Variants in FAF1 observed in about 807,000 individuals in gnomAD.
The protein encoded by FAF1 is Fas associated factor 1, also known as FAS-associated factor 1.
Under a neutral mutation model 92.5 loss-of-function variants are expected in FAF1, and 25 were observed. The observed-to-expected ratio is 0.27, with a 90% confidence interval of 0.20 to 0.38. FAF1 has a LOEUF of 0.38. Among genes scored for constraint, FAF1 ranks in the 10% least tolerant of loss-of-function variants. The probability of loss-of-function intolerance (pLI) is 1.00; values close to 1 mark genes in which losing one functional copy is unlikely to be tolerated. For missense variants in FAF1, 636 were observed against 793.3 expected, an observed-to-expected ratio of 0.80 and a Z score of 2.38; for synonymous variants, 234 against 273.2, an observed-to-expected ratio of 0.86 and a Z score of 1.42.
chr1:50,902,102 T>C (rs1644801344), intron 1 of FAF1, among the ~76,000 whole-genome samples: 1 of 152,214 alleles, frequency 6.6e-6, no homozygotes, highest in African/African-American at 2.4e-5. Flanking sequence ...ATCCTACTAA[T>C]ATAAGGATTT....
At chr1:50,776,679 C>CA (rs111677187) in intron 4 of FAF1, among the ~76,000 whole-genome samples, 12,181 of 139,940 alleles carry the variant, frequency 0.087, 505 homozygotes, top group Non-Finnish European at 0.095. Flanking sequence ...TTTCTTAAAA[C>CA]AAAAAAAAAA....
At chr1:50,461,097 A>G (rs1471981595) in intron 18 of FAF1, among the ~76,000 whole-genome samples, 1 of 152,160 alleles carries the variant, frequency 6.6e-6, no homozygotes, top group East Asian at 1.9e-4. Context: ...CCACTAATTC[A>G]GTGTTTGTGG....
In FAF1 at chr1:50,578,898, TA is replaced by T. The variant is rs530128150; in HGVS notation, c.1113+3719del. Among the ~76,000 whole-genome samples the T allele has an allele frequency of 4.4e-3, 671 of 152,228 alleles. 4 individuals carry two copies. Among genetic ancestry groups the T allele is most frequent in the African/African-American group, 0.013 (550 of 41,562 alleles). On this transcript the variant is annotated intron_variant, in intron 12 of 18. Transcript: ENST00000396153. The stretch of plus-strand genomic sequence containing the variant: ...TAAACTTTAGTTTATAGAAATGTAA[TA>T]AACTGTACATAAACTGTTGATCTGT...
chr1:50,733,672 G>C (rs1045858782), intron 6 of FAF1, among the ~76,000 whole-genome samples: 17 of 152,186 alleles, frequency 1.1e-4, no homozygotes, highest in African/African-American at 4.1e-4. Flanking sequence ...TGTAAACCAG[G>C]AAGAGAGCTT....
chr1:50,830,644 T>C (rs556150003), intron 2 of FAF1, among the ~76,000 whole-genome samples: 43 of 151,348 alleles, frequency 2.8e-4, no homozygotes, highest in African/African-American at 1.0e-3. Flanking sequence ...TACTGTGGCT[T>C]CCTCCAGTGC....
intron 7 of FAF1, among the ~76,000 whole-genome samples, chr1:50,663,718 G>C (rs1298218742): frequency 3.3e-5 from 5 of 151,630 alleles, no homozygotes; most frequent in African/African-American, 1.2e-4. Context: ...CACCGCTTTA[G>C]AATGTGCAAA....
chr1:50,546,421 G>C (rs61781017), intron 13 of FAF1, among the ~76,000 whole-genome samples: 2 of 152,106 alleles, frequency 1.3e-5, no homozygotes, highest in East Asian at 3.9e-4. Flanking sequence ...GCTGGAGTGC[G>C]GTGGTGCAAT....
At chr1:50,513,322 A>T (rs1333038400) in intron 15 of FAF1, among the ~76,000 whole-genome samples, 1 of 152,222 alleles carries the variant, frequency 6.6e-6, no homozygotes, top group Non-Finnish European at 1.5e-5. Context: ...TCTACCAGAA[A>T]AAAATACAAA....
intron 4 of FAF1, among the ~76,000 whole-genome samples, chr1:50,746,760 C>T (rs1298790207): frequency 6.6e-6 from 1 of 152,160 alleles, no homozygotes; most frequent in Non-Finnish European, 1.5e-5. Flanking sequence ...ATAGCTAAAA[C>T]AATGAAGAAA....
At chr1:50,495,157 T>G (rs1320626921) in intron 15 of FAF1, among the ~76,000 whole-genome samples, 2 of 152,158 alleles carry the variant, frequency 1.3e-5, no homozygotes, top group Admixed American at 6.5e-5. Flanking sequence ...AAATGTACAA[T>G]GATTTTTACT....
intron 1 of FAF1, among the ~76,000 whole-genome samples, chr1:50,920,232 C>T (rs1404793461): frequency 6.7e-6 from 1 of 149,786 alleles, no homozygotes; most frequent in African/African-American, 2.5e-5. Context: ...GCCTGGGGGG[C>T]AGAGGGTTGC....
chr1:50,835,927 A>C (rs1276706258), intron 2 of FAF1, among the ~76,000 whole-genome samples: 1 of 152,128 alleles, frequency 6.6e-6, no homozygotes. Flanking sequence ...ATTTAAAATA[A>C]TCTGTGGGAC....
At chr1:50,713,773 C>CTTTTTT (rs58832551) in intron 6 of FAF1, among the ~76,000 whole-genome samples, 2 of 119,540 alleles carry the variant, frequency 1.7e-5, no homozygotes, top group African/African-American at 3.1e-5. Flanking sequence ...AATGTAAAAG[C>CTTTTTT]TTTTTTTTTT....
At position 50,437,909 on chromosome 1, in the gene FAF1, G is replaced by C. The variant is rs2148969937; in HGVS notation, c.*3531C>G. 1 of 150,612 alleles carries C rather than the reference G, an allele frequency of 6.6e-6. No homozygotes were observed. The highest frequency in any genetic ancestry group is 2.0e-4 in the East Asian group (1 of 5,062). 9.3% of individuals were successfully genotyped at this position (150,612 alleles called of 1,614,324 possible). ...ATGGTGGCACATGCCTGTAATCCCA[G>C]CTACTTGAGAGGCTGAGGCAGGAGA... On this transcript the variant is annotated 3_prime_UTR_variant, in exon 19 of 19. Coordinates refer to ENST00000396153, the MANE Select transcript of FAF1 (RefSeq NM_007051.3).
intron 8 of FAF1, among the ~76,000 whole-genome samples, chr1:50,607,505 G>C (rs1344767745): frequency 2.0e-5 from 3 of 150,916 alleles, no homozygotes; most frequent in Non-Finnish European, 4.4e-5. Flanking sequence ...AGGTTTCTTT[G>C]CTCAATGATC....
chr1:50,705,796 G>A lies in FAF1; in HGVS notation c.647C>T (p.Thr216Ile). Residue 216 changes from threonine to isoleucine, a missense_variant, in exon 7 of 19, where the codon ACT (threonine) becomes ATT (isoleucine). Transcript: ENST00000396153. ...TGAGACATAACTCACCTCTTGAATAGTACTGCTTCCTGAGAAGTTCAGGTT... is the reference window on the plus strand; with the variant it reads ...TGAGACATAACTCACCTCTTGAATAATACTGCTTCCTGAGAAGTTCAGGTT... ...EYNLNFSGSS[T>I]IQEVKRNVYD... 1 of 1,587,174 alleles carries A rather than the reference G, an allele frequency of 6.3e-7. No individual in the cohort carries two copies.
At chr1:50,451,186 GGAAA>G (rs956651332) in intron 18 of FAF1, among the ~76,000 whole-genome samples, 2 of 152,156 alleles carry the variant, frequency 1.3e-5, no homozygotes, top group African/African-American at 4.8e-5. Flanking sequence ...TTTTAAGGTG[GGAAA>G]GAGAGAATGA....
chr1:50,572,048 T>A (rs1650470406), intron 12 of FAF1, among the ~76,000 whole-genome samples: 1 of 152,214 alleles, frequency 6.6e-6, no homozygotes, highest in East Asian at 1.9e-4. Context: ...TGGACCTGAC[T>A]TGCTTTCTCT....
At chr1:50,452,845 C>T (rs1024833750) in intron 18 of FAF1, among the ~76,000 whole-genome samples, 1 of 152,174 alleles carries the variant, frequency 6.6e-6, no homozygotes, top group African/African-American at 2.4e-5. Flanking sequence ...AGTCATTTAA[C>T]CTCTTACCAT....
Sources: allele counts gnomAD v4.1 joint callset (sites outside exome capture counted in the v4.1 genomes callset), GRCh38; gene constraint gnomAD v4.1.1; transcripts MANE v1.5; gene names NCBI Gene and HGNC (gene_info 2026-07-23, HGNC 2026-07-21).